FLYWCH2: variants seen among roughly 807,000 people sequenced by gnomAD.
FLYWCH2 encodes FLYWCH family member 2.
Under a neutral mutation model 6.0 loss-of-function variants are expected in FLYWCH2, and 2 were observed. That is an observed-to-expected ratio of 0.33 (90% CI 0.14 to 1.04). The LOEUF (loss-of-function observed/expected upper bound fraction) is 1.04, where lower values mean the gene tolerates loss of function less well. Among genes scored for constraint, FLYWCH2 ranks in the 50% least tolerant of loss-of-function variants. The probability of loss-of-function intolerance (pLI) is 0.45; values close to 1 mark genes in which losing one functional copy is unlikely to be tolerated. For missense variants in FLYWCH2, 192 were observed against 183.4 expected, an observed-to-expected ratio of 1.05 and a Z score of -0.27; for synonymous variants, 87 against 79.3, an observed-to-expected ratio of 1.10 and a Z score of -0.52.
At chr16:2,885,173 T>C (rs2069684391) in intron 1 of FLYWCH2, among the ~76,000 whole-genome samples, 1 of 151,718 alleles carries the variant, frequency 6.6e-6, no homozygotes, top group Non-Finnish European at 1.5e-5. Flanking sequence ...ATACAAAAAA[T>C]TAGCCAGGCG....
At chr16:2,893,738 C>T (rs1338535880) in intron 1 of FLYWCH2, among the ~76,000 whole-genome samples, 1 of 150,864 alleles carries the variant, frequency 6.6e-6, no homozygotes, top group Non-Finnish European at 1.5e-5. Flanking sequence ...CCCAGGTTCA[C>T]GCCATTCTCC....
Position 2,895,289 on chromosome 16 carries a change from C to T in FLYWCH2, c.-130C>T, listed in dbSNP as rs1172821723. 2 of 152,322 alleles carry T rather than the reference C, an allele frequency of 1.3e-5. No homozygotes were observed. The highest frequency in any genetic ancestry group is 4.8e-5 in the African/African-American group (2 of 41,458). The allele number at this position is 152,322 out of a possible 1,614,324, so 9.4% of individuals were successfully genotyped here. A position where few individuals can be genotyped will look rare whatever the true frequency, so the allele number is the denominator to read the frequency against. ...CTCCACATCGCTGTCCCCACCCAGC[C>T]AGGGCAGCGCCAGCACTAGCTCAGA... On this transcript the variant is annotated 5_prime_UTR_variant, in exon 2 of 4. Transcript: ENST00000396958.
chr16:2,887,180 CTG>C (rs977488781), intron 1 of FLYWCH2, among the ~76,000 whole-genome samples: 54 of 152,142 alleles, frequency 3.5e-4, no homozygotes, highest in Admixed American at 2.0e-3. Context: ...GGATCTCACT[CTG>C]TTACCCAAGC....
At chr16:2,895,616 AAAAC>A (rs750368648) in intron 2 of FLYWCH2, among the ~76,000 whole-genome samples, 35 of 152,364 alleles carry the variant, frequency 2.3e-4, no homozygotes, top group Non-Finnish European at 4.6e-4. Context: ...CTCCGTCTCC[AAAAC>A]AAACAAACAA....
intron 2 of FLYWCH2, among the ~76,000 whole-genome samples, chr16:2,895,711 G>A (rs111870432): frequency 3.3e-5 from 5 of 152,254 alleles, no homozygotes; most frequent in African/African-American, 7.2e-5. Flanking sequence ...GCCAGGGCCA[G>A]CTGCAGTGCT....
intron 3 of FLYWCH2, 182 bp from the exon 4 acceptor site, chr16:2,898,867 C>G (rs921352105): frequency 3.4e-4 from 165 of 492,164 alleles, no homozygotes; most frequent in Non-Finnish European, 5.3e-4. Context: ...TTTTGTGGCC[C>G]TGGCCTGGTG....
In FLYWCH2 at chr16:2,888,133, C is replaced by T. The variant is rs559918940; in HGVS notation, c.-200+4767C>T. Among the ~76,000 whole-genome samples the T allele has an allele frequency of 2.0e-5, 3 of 152,068 alleles. No homozygotes were observed. The East Asian group carries it at 5.8e-4, about 29-fold the overall frequency. On this transcript the variant is annotated intron_variant, in intron 1 of 3. Coordinates refer to ENST00000396958, the MANE Select transcript of FLYWCH2 (RefSeq NM_138439.3). ...TAGCAATTCTCCTGCCTCAGCCTTC[C>T]GAGTAGCTGTGACTATAGTTGCATG... is the stretch of plus-strand genomic sequence containing the variant.
chr16:2,895,366 C>T (rs1187865299), intron 2 of FLYWCH2, 46 bp downstream of exon 2: 1 of 152,382 alleles, frequency 6.6e-6, no homozygotes, highest in Non-Finnish European at 1.5e-5. Flanking sequence ...GTGGCTCACG[C>T]TTGTAATCCC....
intron 3 of FLYWCH2, among the ~76,000 whole-genome samples, chr16:2,898,218 A>G (rs2069844801): frequency 6.6e-6 from 1 of 152,058 alleles, no homozygotes; most frequent in Non-Finnish European, 1.5e-5. Flanking sequence ...CAAGGAACCT[A>G]ATGGACCCCT....
intron 1 of FLYWCH2, among the ~76,000 whole-genome samples, chr16:2,884,806 A>T (rs1341480750): frequency 6.6e-6 from 1 of 150,532 alleles, no homozygotes; most frequent in Admixed American, 6.6e-5. Flanking sequence ...CCCGGGAGGC[A>T]GAGGTTGCAG....
intron 1 of FLYWCH2, among the ~76,000 whole-genome samples, chr16:2,887,216 G>A (rs1429862446): frequency 6.6e-6 from 1 of 151,840 alleles, no homozygotes; most frequent in Non-Finnish European, 1.5e-5. Context: ...TGCAATCTCG[G>A]CTCACTGCAA....
chr16:2,887,332 T>G (rs908574976), intron 1 of FLYWCH2, among the ~76,000 whole-genome samples: 2 of 134,042 alleles, frequency 1.5e-5, no homozygotes, highest in African/African-American at 5.4e-5. Context: ...TTTTTTTTTT[T>G]GTATTTTTAG....
At chr16:2,890,035 A>T (rs555604538) in intron 1 of FLYWCH2, among the ~76,000 whole-genome samples, 8 of 152,208 alleles carry the variant, frequency 5.3e-5, no homozygotes, top group Admixed American at 4.6e-4. Flanking sequence ...ACAGTGAGCC[A>T]TGGTTGTATC....
chr16:2,883,626 C>A (rs2069665233), intron 1 of FLYWCH2, among the ~76,000 whole-genome samples: 1 of 152,184 alleles, frequency 6.6e-6, no homozygotes, highest in African/African-American at 2.4e-5. Context: ...GGTCCCTGGC[C>A]GTGTCCGCCG....
At chr16:2,890,228 GT>G (rs200322274) in intron 1 of FLYWCH2, among the ~76,000 whole-genome samples, 1,791 of 139,946 alleles carry the variant, frequency 0.013, 41 homozygotes, top group African/African-American at 0.048. Flanking sequence ...TTTTGTTTTT[GT>G]TTTTTTTTTT....
rs1257350686 is a variant in FLYWCH2, at chr16:2,887,877, C to T, written c.-200+4511C>T. ...CCACCACGCCTGGCCCAACATTTGT[C>T]GTTAAGACTATTTTCCCTCCACAGA... On this transcript the variant is annotated intron_variant, in intron 1 of 3. Coordinates refer to ENST00000396958, the MANE Select transcript of FLYWCH2 (RefSeq NM_138439.3). 2.6e-5 allele frequency among the ~76,000 whole-genome samples: 4 copies of T among 151,934 alleles called. No homozygotes were observed. In the East Asian group the frequency reaches 5.8e-4, roughly 22 times the overall value.
chr16:2,897,309 C>T (rs1596340049), intron 3 of FLYWCH2, among the ~76,000 whole-genome samples: 1 of 152,170 alleles, frequency 6.6e-6, no homozygotes, highest in East Asian at 1.9e-4. Context: ...CCGGGACTGC[C>T]CCTGCTCTCC....
intron 1 of FLYWCH2, among the ~76,000 whole-genome samples, chr16:2,884,769 G>A (rs891941695): frequency 8.6e-5 from 13 of 151,716 alleles, no homozygotes; most frequent in African/African-American, 3.1e-4. Flanking sequence ...AGCTACTTGG[G>A]AGGCTGAGAC....
intron 1 of FLYWCH2, among the ~76,000 whole-genome samples, chr16:2,891,320 G>A (rs1158338791): frequency 6.6e-6 from 1 of 152,202 alleles, no homozygotes; most frequent in Non-Finnish European, 1.5e-5. Context: ...GACCAAGGAT[G>A]TGGCTCTGGG....
Sources: gnomAD v4.1 joint callset for allele counts (sites outside exome capture counted in the v4.1 genomes callset) on GRCh38, gnomAD v4.1.1 for gene constraint, MANE v1.5 for transcripts, NCBI Gene and HGNC (gene_info 2026-07-23, HGNC 2026-07-21) for gene names.